TTLL11: variants seen among roughly 807,000 people sequenced by gnomAD.
TTLL11 encodes tubulin polyglutamylase TTLL11.
A neutral mutation model predicts 51.7 loss-of-function variants in TTLL11; 42 were observed. The observed-to-expected ratio is 0.81, with a 90% CI of 0.64 to 1.05. TTLL11 has a LOEUF of 1.05. Ranked by LOEUF, TTLL11 falls within the 50% of genes least tolerant of loss-of-function variation. The pLI, the probability that TTLL11 is intolerant of heterozygous loss-of-function variation, is 0.00. For synonymous variants in TTLL11, 381 were observed against 383.5 expected (o/e 0.99, Z 0.08); for missense variants, 799 against 940.4 (o/e 0.85, Z 1.97).
chr9:122,031,667 G>A, intron 3 of TTLL11, 56 bp downstream of exon 3: 9 of 1,586,442 alleles, frequency 5.7e-6, no homozygotes, highest in Non-Finnish European at 6.0e-6. Flanking sequence ...CAGGACCCAG[G>A]ACACAGTTGC....
At chr9:121,985,849 G>A (rs1163194029) in intron 4 of TTLL11, among the ~76,000 whole-genome samples, 2 of 152,112 alleles carry the variant, frequency 1.3e-5, no homozygotes, top group Non-Finnish European at 2.9e-5. Context: ...CTTAATGACT[G>A]GGAATCTGAA....
chr9:122,024,881 T>C (rs1844282028), intron 3 of TTLL11, among the ~76,000 whole-genome samples: 1 of 148,370 alleles, frequency 6.7e-6, no homozygotes. Flanking sequence ...TAAATTCCTA[T>C]ATATGACACA....
chr9:121,863,451 G>A (rs1838081578), intron 7 of TTLL11, among the ~76,000 whole-genome samples: 1 of 152,140 alleles, frequency 6.6e-6, no homozygotes, highest in African/African-American at 2.4e-5. Context: ...AAACCAAACT[G>A]ACCACTGGTA....
intron 6 of TTLL11, among the ~76,000 whole-genome samples, chr9:121,896,627 G>C (rs1437037440): frequency 4.6e-5 from 7 of 152,326 alleles, no homozygotes; most frequent in South Asian, 4.1e-4. Flanking sequence ...TGCATAGATG[G>C]GCGTGCAGGA....
intron 6 of TTLL11, among the ~76,000 whole-genome samples, chr9:121,893,160 C>T (rs1175348217): frequency 1.3e-5 from 2 of 151,896 alleles, no homozygotes; most frequent in African/African-American, 2.4e-5. Context: ...AGTTTATTTC[C>T]TATTTTCCTA....
chr9:122,031,128 CT>C (rs1844527924), intron 3 of TTLL11, among the ~76,000 whole-genome samples: 1 of 152,142 alleles, frequency 6.6e-6, no homozygotes, highest in African/African-American at 2.4e-5. Flanking sequence ...CTAAATGAAA[CT>C]GTTAAAAGGC....
At chr9:121,887,239 G>A (rs1219450388) in intron 6 of TTLL11, among the ~76,000 whole-genome samples, 1 of 152,186 alleles carries the variant, frequency 6.6e-6, no homozygotes, top group African/African-American at 2.4e-5. Context: ...AACATATATG[G>A]CATGTGGGCA....
rs754700752 is a variant in TTLL11 at position 121,995,223 on chromosome 9, AG to A, written c.694-5454del. On this transcript the variant is annotated intron_variant, in intron 3 of 8. Coordinates refer to ENST00000321582, the MANE Select transcript of TTLL11 (RefSeq NM_001139442.2). The surrounding 1 kb of genome is among the most constrained non-coding windows in gnomAD (Gnocchi z 4.4). The stretch of plus-strand genomic sequence containing the variant: ...AGGAAGAAGAGGGCACCTGGGAGCC[AG>A]AGGCTGGAACGGGCAGAACAGACCC... Among the ~76,000 whole-genome samples, 3 of 152,192 alleles carry A rather than the reference AG, an allele frequency of 2.0e-5. No individual in the cohort carries two copies. Among genetic ancestry groups the A allele is most frequent in the Non-Finnish European group, 4.4e-5 (3 of 68,024 alleles).
intron 1 of TTLL11, among the ~76,000 whole-genome samples, chr9:122,060,186 G>T (rs1459666932): frequency 6.6e-6 from 1 of 152,142 alleles, no homozygotes; most frequent in Non-Finnish European, 1.5e-5. Flanking sequence ...AAGGGAAGAG[G>T]ATTATACAAG....
chr9:121,826,145 C>T (rs1203605943), intron 8 of TTLL11, among the ~76,000 whole-genome samples: 1 of 68,074 alleles, frequency 1.5e-5, no homozygotes, highest in Non-Finnish European at 2.6e-5. Flanking sequence ...TACTTTTTAT[C>T]AAAGTAGAAT....
chr9:122,075,461 A>G (rs918099335), intron 1 of TTLL11, among the ~76,000 whole-genome samples: 4 of 152,220 alleles, frequency 2.6e-5, no homozygotes, highest in Non-Finnish European at 5.9e-5. Flanking sequence ...ACATTCTTAG[A>G]ATAACAGTTC....
chr9:121,876,725 G>A (rs532384005), intron 6 of TTLL11, among the ~76,000 whole-genome samples: 16 of 152,166 alleles, frequency 1.1e-4, no homozygotes, highest in Admixed American at 1.3e-4. Flanking sequence ...AAAGCTACTG[G>A]AATGGTCTAG....
chr9:121,821,131 G>T lies in TTLL11; in HGVS notation c.*1456C>A, dbSNP rs999651257. ...TTGGGTTTAAAAATATCTGGGGAGG[G>T]CGGATTCAAGTAACTTGTTTCCACA... is the stretch of plus-strand genomic sequence containing the variant. On this transcript the variant is annotated 3_prime_UTR_variant, in exon 9 of 9. Coordinates refer to ENST00000321582, the MANE Select transcript of TTLL11 (RefSeq NM_001139442.2). The surrounding 1 kb of genome is among the most constrained non-coding windows in gnomAD (Gnocchi z 5.0). 2.0e-5 allele frequency among the ~76,000 whole-genome samples: 3 copies of T among 152,026 alleles called. No individual in the cohort carries two copies. The highest frequency in any genetic ancestry group is 7.2e-5 in the African/African-American group (3 of 41,392).
At chr9:122,091,155 G>A (rs1477635342) in intron 1 of TTLL11, among the ~76,000 whole-genome samples, 2 of 152,184 alleles carry the variant, frequency 1.3e-5, no homozygotes, top group African/African-American at 4.8e-5. Flanking sequence ...GATCTGGCCT[G>A]CTTTATGTCT....
intron 1 of TTLL11, among the ~76,000 whole-genome samples, chr9:122,084,830 T>A (rs901459515): frequency 1.3e-5 from 2 of 152,190 alleles, no homozygotes; most frequent in African/African-American, 2.4e-5. Context: ...AAAATTTGTA[T>A]CTTTTCCACA....
rs576773616 is a variant in TTLL11 at position 122,014,961 on chromosome 9, T to C, written c.693+16762A>G. 1.3e-4 allele frequency among the ~76,000 whole-genome samples: 20 copies of C among 152,314 alleles called. No individual in the cohort carries two copies. The East Asian group carries it at 1.9e-3, about 15-fold the overall frequency. Reference sequence around the variant, plus strand: ...GCACTTAGCAGGCCTCGGGAAACGATTGCACTAAACCACATAAGAATATCT... The same window carrying C: ...GCACTTAGCAGGCCTCGGGAAACGACTGCACTAAACCACATAAGAATATCT... On this transcript the variant is annotated intron_variant, in intron 3 of 8. Transcript: ENST00000321582.
chr9:121,930,107 G>T (rs1840908411), intron 6 of TTLL11, among the ~76,000 whole-genome samples: 1 of 152,210 alleles, frequency 6.6e-6, no homozygotes, highest in African/African-American at 2.4e-5. Context: ...GTTCCTTAAA[G>T]ATGACCCAAT....
At chr9:121,959,452 C>T (rs533053016) in intron 6 of TTLL11, among the ~76,000 whole-genome samples, 17 of 152,326 alleles carry the variant, frequency 1.1e-4, no homozygotes, top group Middle Eastern at 3.4e-3. Flanking sequence ...CTTCTCCCAG[C>T]TTCTGGGACC....
At chr9:122,066,375 G>A (rs145998518) in intron 1 of TTLL11, among the ~76,000 whole-genome samples, 15 of 152,204 alleles carry the variant, frequency 9.9e-5, no homozygotes, top group Middle Eastern at 6.8e-3. Flanking sequence ...GCAGGGGGTG[G>A]AGTGGGAGAC....
Sources: gnomAD v4.1 joint callset for allele counts (sites outside exome capture counted in the v4.1 genomes callset) on GRCh38, gnomAD v4.1.1 for gene constraint, Gnocchi (gnomAD v3.1) non-coding constraint, MANE v1.5 for transcripts, NCBI Gene and HGNC (gene_info 2026-07-23, HGNC 2026-07-21) for gene names.